The following LDB3 variants were observed in gnomAD, a reference collection of about 807,000 sequenced individuals.
LDB3 encodes LIM domain-binding protein 3.
LDB3 carries 49 observed loss-of-function variants against 69.0 expected under a neutral mutation model. The observed-to-expected ratio is 0.71, with a 90% CI of 0.56 to 0.90. LDB3 has a LOEUF of 0.90. Ranked by LOEUF, LDB3 falls within the 40% of genes least tolerant of loss-of-function variation. The pLI is 0.00. For synonymous variants in LDB3, 387 were observed against 396.2 expected (o/e 0.98, Z 0.28); for missense variants, 928 against 974.1 (o/e 0.95, Z 0.63).
At chr10:86,680,037 C>A in intron 3 of LDB3, 45 bp from the exon 4 acceptor site, 1 of 1,566,040 alleles carries the variant, frequency 6.4e-7, no homozygotes, top group Non-Finnish European at 8.8e-7. Flanking sequence ...AGCTTCTGGC[C>A]CCAGGGGCAA....
At chr10:86,670,678 G>T (rs905514526) in intron 2 of LDB3, among the ~76,000 whole-genome samples, 2 of 152,198 alleles carry the variant, frequency 1.3e-5, no homozygotes, top group Admixed American at 1.3e-4. Flanking sequence ...GGTATGCAGG[G>T]ATGTGCTGGA....
At chr10:86,675,414 C>G (rs1233239138) in intron 2 of LDB3, among the ~76,000 whole-genome samples, 3 of 152,276 alleles carry the variant, frequency 2.0e-5, no homozygotes, top group African/African-American at 7.2e-5. Flanking sequence ...ATGCTGTCAT[C>G]ATGATCTTCT....
chr10:86,711,463 C>T (rs942742636), intron 9 of LDB3, among the ~76,000 whole-genome samples: 119 of 152,060 alleles, frequency 7.8e-4, no homozygotes, highest in Non-Finnish European at 1.5e-3. Context: ...GTCGGCCTGC[C>T]TCCACCTCCC....
At chr10:86,706,849 G>A in intron 8 of LDB3, 130 bp downstream of exon 8, 2 of 944,488 alleles carry the variant, frequency 2.1e-6, no homozygotes, top group South Asian at 1.6e-5. Context: ...GCCAAGGCCA[G>A]CGCTGCTTGG....
chr10:86,685,338 G>T (rs940016963), intron 5 of LDB3, among the ~76,000 whole-genome samples: 4 of 152,190 alleles, frequency 2.6e-5, no homozygotes, highest in African/African-American at 9.7e-5. Context: ...CTTCCACTCT[G>T]GGGTCTATAG....
upstream of LDB3, among the ~76,000 whole-genome samples, chr10:86,667,030 ATGGGGAAG>A (rs1353103484): frequency 1.3e-5 from 2 of 152,104 alleles, no homozygotes; most frequent in African/African-American, 4.8e-5. Flanking sequence ...AGGGAATGGT[ATGGGGAAG>A]GGATGCTGGC....
chr10:86,689,747 A>G (rs75882753), intron 5 of LDB3, among the ~76,000 whole-genome samples: 3,156 of 152,298 alleles, frequency 0.021, 120 homozygotes, highest in African/African-American at 0.07. Context: ...ATGACCACCC[A>G]TGGGAGGGGA....
chr10:86,669,206 T>G (rs1844325564), intron 2 of LDB3, among the ~76,000 whole-genome samples: 2 of 152,110 alleles, frequency 1.3e-5, no homozygotes, highest in Non-Finnish European at 2.9e-5. Context: ...GGGCAGGTGA[T>G]GGGCAGTTGG....
chr10:86,703,579 G>A (rs896465909), intron 7 of LDB3, among the ~76,000 whole-genome samples: 1 of 152,202 alleles, frequency 6.6e-6, no homozygotes, highest in African/African-American at 2.4e-5. Context: ...TCCCATGGGG[G>A]CAGTCAACCT....
intron 13 of LDB3, among the ~76,000 whole-genome samples, chr10:86,727,650 G>A (rs1847301186): frequency 6.6e-6 from 1 of 152,122 alleles, no homozygotes; most frequent in South Asian, 2.1e-4. Context: ...CTAAATCAAG[G>A]TGCTGACAGG....
At chr10:86,721,217 G>A (rs1054659857) in intron 12 of LDB3, among the ~76,000 whole-genome samples, 15 of 152,190 alleles carry the variant, frequency 9.9e-5, no homozygotes, top group African/African-American at 3.4e-4. Flanking sequence ...CAATTTCTCC[G>A]CAGCCTTGCA....
intron 10 of LDB3, 69 bp downstream of exon 10, chr10:86,716,840 C>T: frequency 6.6e-7 from 1 of 1,507,458 alleles, no homozygotes; most frequent in Non-Finnish European, 9.0e-7. Flanking sequence ...TGCCCACAGT[C>T]TGAGCCCTGG....
intron 2 of LDB3, among the ~76,000 whole-genome samples, chr10:86,678,214 A>AT (rs985147001): frequency 4.4e-4 from 66 of 151,482 alleles, no homozygotes; most frequent in African/African-American, 1.5e-3. Flanking sequence ...TGTCCAGCTA[A>AT]TTTTTTTTGT....
intron 9 of LDB3, among the ~76,000 whole-genome samples, chr10:86,711,442 C>A (rs1384304472): frequency 6.6e-6 from 1 of 151,746 alleles, no homozygotes; most frequent in Non-Finnish European, 1.5e-5. Flanking sequence ...GCCGGGCGGG[C>A]GCGCGCTGGA....
rs144938335 is a variant in LDB3 at position 86,733,406 on chromosome 10, C to T, written c.*430C>T. The T allele has an allele frequency of 4.2e-4, 102 of 240,354 alleles. No individual in the cohort carries two copies. The highest frequency in any genetic ancestry group is 1.4e-3 in the Admixed American group (27 of 19,342). 14.9% of individuals were successfully genotyped at this position (240,354 alleles called of 1,614,324 possible). A position where few individuals can be genotyped will look rare whatever the true frequency, so the allele number is the denominator to read the frequency against. On this transcript the variant is annotated 3_prime_UTR_variant, in exon 14 of 14. Transcript: ENST00000361373. The stretch of plus-strand genomic sequence containing the variant: ...ACAAATTGAAGTGCCAAACAGCACT[C>T]GCTGCAGGGTATTTTTAGAGTCATA...
At chr10:86,692,825 C>T (rs1190777964) in intron 7 of LDB3, among the ~76,000 whole-genome samples, 4 of 152,210 alleles carry the variant, frequency 2.6e-5, no homozygotes, top group African/African-American at 9.6e-5. Context: ...AGCTTCATCC[C>T]TGGGCAGGGG....
intron 13 of LDB3, among the ~76,000 whole-genome samples, chr10:86,731,612 G>C (rs1262828427): frequency 6.6e-6 from 1 of 152,116 alleles, no homozygotes; most frequent in East Asian, 1.9e-4. Context: ...AATTTTACTA[G>C]TTTTCAGTTT....
intron 12 of LDB3, among the ~76,000 whole-genome samples, chr10:86,722,803 G>C (rs934216846): frequency 6.6e-6 from 1 of 150,612 alleles, no homozygotes; most frequent in East Asian, 1.9e-4. Flanking sequence ...TCCTGACCTC[G>C]TGATCTACCT....
chr10:86,718,883 C>G, intron 12 of LDB3, 36 bp downstream of exon 12: 1 of 1,613,250 alleles, frequency 6.2e-7, no homozygotes, highest in Non-Finnish European at 8.5e-7. Flanking sequence ...GGAGGCCCCA[C>G]AGCCTGGGAG....
Sources: allele counts gnomAD v4.1 joint callset (sites outside exome capture counted in the v4.1 genomes callset), GRCh38; gene constraint gnomAD v4.1.1; transcripts MANE v1.5; gene names NCBI Gene and HGNC (gene_info 2026-07-23, HGNC 2026-07-21).